Variants in SCNN1B observed in about 807,000 individuals in gnomAD.
SCNN1B encodes the protein epithelial sodium channel subunit beta.
A neutral mutation model predicts 65.3 loss-of-function variants in SCNN1B; 46 were observed. The ratio of observed to expected loss-of-function variants is 0.70; its 90% CI spans 0.56 to 0.90. The LOEUF (loss-of-function observed/expected upper bound fraction) is 0.90, where lower values mean the gene tolerates loss of function less well. SCNN1B is among the 40% of genes least tolerant of loss of function. SCNN1B has a pLI of 0.00. For synonymous variants in SCNN1B, 349 were observed against 330.6 expected (o/e 1.06, Z -0.60); for missense variants, 751 against 830.5 (o/e 0.90, Z 1.18).
chr16:23,326,066 C>T (rs1205359445), intron 1 of SCNN1B, among the ~76,000 whole-genome samples: 1 of 151,962 alleles, frequency 6.6e-6, no homozygotes, highest in African/African-American at 2.4e-5. Flanking sequence ...CAGAGCAAGA[C>T]CTTGTCTCTA....
intron 2 of SCNN1B, among the ~76,000 whole-genome samples, chr16:23,349,227 C>G (rs1324188726): frequency 1.3e-5 from 2 of 152,120 alleles, no homozygotes; most frequent in Non-Finnish European, 2.9e-5. Context: ...CCTGTAATAA[C>G]AGCACTTTGA....
At chr16:23,363,104 T>G (rs1345166575) in intron 4 of SCNN1B, among the ~76,000 whole-genome samples, 1 of 152,218 alleles carries the variant, frequency 6.6e-6, no homozygotes, top group Non-Finnish European at 1.5e-5. Flanking sequence ...GACTTGGGTG[T>G]CACTTCTCCA....
At chr16:23,303,202 G>A (rs1001984535) in intron 1 of SCNN1B, among the ~76,000 whole-genome samples, 3 of 152,052 alleles carry the variant, frequency 2.0e-5, no homozygotes, top group Admixed American at 6.6e-5. Flanking sequence ...ACTCTAGCGT[G>A]GAGGGGGAAA....
At position 23,360,641 on chromosome 16, in the gene SCNN1B, G is replaced by C. The variant is rs1024473252; in HGVS notation, c.776+5152G>C. Among the ~76,000 whole-genome samples the C allele has an allele frequency of 5.0e-4, 74 of 146,620 alleles. 1 individual carries two copies. The highest frequency in any genetic ancestry group is 1.7e-3 in the African/African-American group (66 of 39,730). On this transcript the variant is annotated intron_variant, in intron 4 of 12. Coordinates refer to ENST00000343070, the MANE Select transcript of SCNN1B (RefSeq NM_000336.3). ...GACGGAGTTTTGTTCTTGCCCCCAGGCTGGAATACAATGGCATAATCTCCA... is the reference window on the plus strand; with the variant it reads ...GACGGAGTTTTGTTCTTGCCCCCAGCCTGGAATACAATGGCATAATCTCCA...
chr16:23,346,558 A>G (rs1380558567), intron 1 of SCNN1B, among the ~76,000 whole-genome samples: 4 of 151,840 alleles, frequency 2.6e-5, no homozygotes, highest in African/African-American at 7.3e-5. Flanking sequence ...TGATGGCATC[A>G]CACCCTCATG....
intron 4 of SCNN1B, among the ~76,000 whole-genome samples, chr16:23,361,751 T>A (rs1962557642): frequency 6.6e-6 from 1 of 152,222 alleles, no homozygotes; most frequent in South Asian, 2.1e-4. Context: ...ATCAGCCATT[T>A]CTCTAAAGAG....
At chr16:23,317,572 G>A (rs1596829766) in intron 1 of SCNN1B, among the ~76,000 whole-genome samples, 1 of 152,310 alleles carries the variant, frequency 6.6e-6, no homozygotes, top group South Asian at 2.1e-4. Flanking sequence ...CTGAGAGAGA[G>A]CAGGGAGCAG....
At chr16:23,333,750 T>C (rs1359855145) in intron 1 of SCNN1B, among the ~76,000 whole-genome samples, 1 of 151,954 alleles carries the variant, frequency 6.6e-6, no homozygotes, top group Non-Finnish European at 1.5e-5. Flanking sequence ...GGTGGGGGGA[T>C]TGCTTGAGCC....
At chr16:23,371,272 G>T in intron 5 of SCNN1B, 27 bp from the exon 6 acceptor site, 1 of 1,613,222 alleles carries the variant, frequency 6.2e-7, no homozygotes, top group Non-Finnish European at 8.5e-7. Flanking sequence ...GAAAGTTCAG[G>T]CAGCCCTCAC....
chr16:23,329,234 C>G (rs1208056843), intron 1 of SCNN1B, among the ~76,000 whole-genome samples: 1 of 152,120 alleles, frequency 6.6e-6, no homozygotes, highest in African/African-American at 2.4e-5. Context: ...ACCTCAGCCT[C>G]CTGAGTAGCT....
At chr16:23,311,975 G>T (rs894135142) in intron 1 of SCNN1B, among the ~76,000 whole-genome samples, 2 of 152,098 alleles carry the variant, frequency 1.3e-5, no homozygotes, top group Non-Finnish European at 2.9e-5. Flanking sequence ...GCATTTGGGG[G>T]TGCGGTGGGG....
intron 11 of SCNN1B, among the ~76,000 whole-genome samples, chr16:23,379,119 A>AGCCATCCTC (rs1567320539): frequency 8.8e-6 from 1 of 114,122 alleles, no homozygotes; most frequent in African/African-American, 3.8e-5. Context: ...ATCCACCCAC[A>AGCCATCCTC]CACCCAGCCA....
intron 1 of SCNN1B, among the ~76,000 whole-genome samples, chr16:23,282,452 C>T (rs572435279): frequency 6.6e-6 from 1 of 152,078 alleles, no homozygotes; most frequent in Non-Finnish European, 1.5e-5. Context: ...AGGTAACTTG[C>T]CAAGATTCAC....
intron 1 of SCNN1B, among the ~76,000 whole-genome samples, chr16:23,345,840 G>C (rs549854480): frequency 4.3e-4 from 65 of 152,334 alleles, no homozygotes; most frequent in African/African-American, 1.2e-3. Flanking sequence ...GCTCTCAGAG[G>C]GGGTGAGGGT....
chr16:23,314,890 A>G (rs1375461963), intron 1 of SCNN1B, among the ~76,000 whole-genome samples: 1 of 152,130 alleles, frequency 6.6e-6, no homozygotes, highest in Non-Finnish European at 1.5e-5. Flanking sequence ...CTCCCTCCCA[A>G]GGTTTTGGAT....
chr16:23,292,752 C>T (rs1336908285), intron 2 of SCNN1B, among the ~76,000 whole-genome samples: 2 of 151,776 alleles, frequency 1.3e-5, no homozygotes, highest in African/African-American at 2.4e-5. Flanking sequence ...GATCCGCCCA[C>T]CTCGGCCTCC....
In SCNN1B at chr16:23,377,341, CAAG is replaced by C; in HGVS notation, c.1361_1363del (p.Lys454del). 5.0e-6 allele frequency: 8 copies of C among 1,614,216 alleles called. No individual in the cohort carries two copies. Among genetic ancestry groups the C allele is most frequent in the Non-Finnish European group, 6.8e-6 (8 of 1,180,034 alleles). ...CCTTCTCTTTCAGTGACACCCAGTACAAGATGACCATCTCCATGGCTGACTGGC... is the reference window on the plus strand; with the variant it reads ...CCTTCTCTTTCAGTGACACCCAGTACATGACCATCTCCATGGCTGACTGGC... On this transcript the variant is annotated inframe_deletion, in exon 10 of 13. Coordinates refer to ENST00000343070, the MANE Select transcript of SCNN1B (RefSeq NM_000336.3).
intron 2 of SCNN1B, among the ~76,000 whole-genome samples, chr16:23,350,322 C>G (rs2142017767): frequency 6.6e-6 from 1 of 152,240 alleles, no homozygotes; most frequent in East Asian, 1.9e-4. Context: ...GATGTGATCC[C>G]AGAACTGCTA....
chr16:23,304,113 T>C, intron 1 of SCNN1B: 1 of 1,527,720 alleles, frequency 6.5e-7, no homozygotes, highest in South Asian at 1.2e-5. Flanking sequence ...TTGGTTTTTA[T>C]TTCAGCATCT....
Sources: allele counts gnomAD v4.1 joint callset (sites outside exome capture counted in the v4.1 genomes callset), GRCh38; gene constraint gnomAD v4.1.1; transcripts MANE v1.5; gene names NCBI Gene and HGNC (gene_info 2026-07-23, HGNC 2026-07-21).